The following SLC44A5 variants were observed in gnomAD, a reference collection of about 807,000 sequenced individuals.
The protein encoded by SLC44A5 is choline transporter-like protein 5.
In SLC44A5, 57 loss-of-function variants were observed where a neutral mutation model predicts 101.8. The ratio of observed to expected loss-of-function variants is 0.56; its 90% CI spans 0.45 to 0.70. The LOEUF (loss-of-function observed/expected upper bound fraction) is 0.70. Ranked by LOEUF, SLC44A5 falls within the 30% of genes least tolerant of loss-of-function variation. SLC44A5 has a pLI of 0.00. For missense variants in SLC44A5, 737 were observed against 853.1 expected (o/e 0.86, Z 1.70); for synonymous variants, 281 against 290.9 (o/e 0.97, Z 0.35).
chr1:75,700,495 A>G, the SLC44A5 span, among the ~76,000 whole-genome samples: 4 of 152,014 alleles, frequency 2.6e-5, no homozygotes, highest in Non-Finnish European at 5.9e-5. Context: ...TCTCTGGGAC[A>G]CATTGAAAGC....
At chr1:75,266,951 C>T (rs145668488) in intron 6 of SLC44A5, among the ~76,000 whole-genome samples, 340 of 152,282 alleles carry the variant, frequency 2.2e-3, no homozygotes, top group African/African-American at 7.6e-3. Context: ...ACGGTGCGTG[C>T]GGCTGCTTCA....
At chr1:75,603,065 C>G (rs1170262020) in intron 1 of SLC44A5, among the ~76,000 whole-genome samples, 85 of 151,952 alleles carry the variant, frequency 5.6e-4, no homozygotes, top group Non-Finnish European at 1.5e-5. Context: ...GTTTGGAGTA[C>G]AGTTGATCCT....
chr1:75,477,098 A>C (rs1667465680), intron 2 of SLC44A5, among the ~76,000 whole-genome samples: 1 of 152,206 alleles, frequency 6.6e-6, no homozygotes, highest in Non-Finnish European at 1.5e-5. Flanking sequence ...CGGTTCATGA[A>C]AATCTGCTGT....
At chr1:75,398,445 C>T (rs529298239) in intron 2 of SLC44A5, 1 of 964,294 alleles carries the variant, frequency 1.0e-6, no homozygotes, top group East Asian at 1.1e-4. Context: ...GAGAAGGGAA[C>T]TGGTAGTTAC....
At chr1:75,271,872 G>C (rs1450625268) in intron 6 of SLC44A5, among the ~76,000 whole-genome samples, 1 of 152,046 alleles carries the variant, frequency 6.6e-6, no homozygotes, top group Non-Finnish European at 1.5e-5. Flanking sequence ...CCTACCTTTA[G>C]TTCTTTAAGG....
At chr1:75,286,920 T>C (rs950983825) in intron 5 of SLC44A5, among the ~76,000 whole-genome samples, 1 of 152,032 alleles carries the variant, frequency 6.6e-6, no homozygotes, top group Non-Finnish European at 1.5e-5. Flanking sequence ...ACCTGATGTA[T>C]ATGATGATCT....
intron 2 of SLC44A5, among the ~76,000 whole-genome samples, chr1:75,518,840 G>A (rs918586859): frequency 3.3e-5 from 5 of 152,188 alleles, no homozygotes; most frequent in Admixed American, 6.5e-5. Context: ...GCCTAGGGCT[G>A]GGGGCTGGGT....
At chr1:75,242,817 C>T in intron 8 of SLC44A5, 69 bp downstream of exon 8, 1 of 1,490,422 alleles carries the variant, frequency 6.7e-7, no homozygotes. Flanking sequence ...GTAACAAATT[C>T]TCACGTTACA....
the SLC44A5 span, among the ~76,000 whole-genome samples, chr1:75,717,784 C>T: frequency 6.6e-6 from 1 of 152,296 alleles, no homozygotes; most frequent in South Asian, 2.1e-4. Context: ...GGTCTTAATA[C>T]AACACTGCCA....
chr1:75,428,960 T>C (rs1664462060), intron 2 of SLC44A5, among the ~76,000 whole-genome samples: 1 of 152,180 alleles, frequency 6.6e-6, no homozygotes, highest in South Asian at 2.1e-4. Context: ...GCATACACCA[T>C]ATAGGTGGTC....
At chr1:75,245,224 T>C (rs1458087089) in intron 7 of SLC44A5, among the ~76,000 whole-genome samples, 1 of 152,136 alleles carries the variant, frequency 6.6e-6, no homozygotes, top group South Asian at 2.1e-4. Flanking sequence ...TCTTAGTCTC[T>C]CATCCACACG....
At position 75,339,622 on chromosome 1, in the gene SLC44A5, T is replaced by C. The variant is rs1350942638; in HGVS notation, c.61A>G (p.Arg21Gly). The change falls in exon 4 of 24, where the codon AGG becomes GGG. Residue 21 changes from arginine (R) to glycine (G), a missense_variant. Transcript: ENST00000370859. ...CCCTTGAAATCTGGGTCATATGTCC[T>C]TGGATCACCTGCATTTAAAACAAAG... ...PSEEEDFGDP[R>G]TYDPDFKGPV... 1 of 1,608,518 alleles carries C rather than the reference T, an allele frequency of 6.2e-7. No homozygotes were observed. Among genetic ancestry groups the C allele is most frequent in the Non-Finnish European group, 8.5e-7 (1 of 1,177,274 alleles).
chr1:75,250,788 C>A (rs189449310), intron 7 of SLC44A5, among the ~76,000 whole-genome samples: 2 of 152,216 alleles, frequency 1.3e-5, no homozygotes, highest in East Asian at 3.9e-4. Flanking sequence ...GAGGAGAGTA[C>A]CTACTGACCA....
chr1:75,537,721 A>T (rs894077382), intron 2 of SLC44A5, among the ~76,000 whole-genome samples: 3 of 152,252 alleles, frequency 2.0e-5, no homozygotes, highest in African/African-American at 7.2e-5. Flanking sequence ...AAATTGTTTC[A>T]GAATCCATTT....
chr1:75,698,595 T>C, the SLC44A5 span, among the ~76,000 whole-genome samples: 10 of 152,062 alleles, frequency 6.6e-5, no homozygotes, highest in African/African-American at 1.9e-4. Context: ...AAGCAGAGCG[T>C]CTCTCCTCCT....
At position 75,213,890 on chromosome 1, in the gene SLC44A5, T is replaced by A. The variant is rs749329612; in HGVS notation, c.1873+29A>T. 14 of 1,545,120 alleles carry A rather than the reference T, an allele frequency of 9.1e-6. No homozygotes were observed. The South Asian group carries it at 1.7e-4, about 18-fold the overall frequency. The stretch of plus-strand genomic sequence containing the variant: ...TTTCCAAGCATCTTTTAAACTTTTT[T>A]TTTTATTATTTTCATCATGATTACT... On this transcript the variant is annotated intron_variant, in intron 21 of 23. Transcript: ENST00000370859.
intron 23 of SLC44A5, among the ~76,000 whole-genome samples, chr1:75,208,466 T>A (rs1037065370): frequency 4.6e-5 from 7 of 152,184 alleles, no homozygotes; most frequent in Non-Finnish European, 1.0e-4. Flanking sequence ...GCAAAACAAA[T>A]TTTTTATACG....
intron 4 of SLC44A5, among the ~76,000 whole-genome samples, chr1:75,315,821 G>A (rs534847696): frequency 5.9e-5 from 9 of 152,052 alleles, no homozygotes; most frequent in South Asian, 2.1e-4. Flanking sequence ...ATCTCTGCCC[G>A]CCGCTCACTC....
intron 6 of SLC44A5, among the ~76,000 whole-genome samples, chr1:75,260,462 C>A (rs1650396175): frequency 6.6e-6 from 1 of 152,040 alleles, no homozygotes; most frequent in East Asian, 1.9e-4. Flanking sequence ...GTCAATGCAA[C>A]AAGAAGCAGT....
Sources: gnomAD v4.1 joint callset for allele counts (sites outside exome capture counted in the v4.1 genomes callset) on GRCh38, gnomAD v4.1.1 for gene constraint, MANE v1.5 for transcripts, NCBI Gene and HGNC (gene_info 2026-07-23, HGNC 2026-07-21) for gene names.